The following SUGT1 variants were observed in gnomAD, a reference collection of about 807,000 sequenced individuals.
SUGT1 encodes the protein protein SGT1 homolog.
SUGT1 carries 15 observed loss-of-function variants against 56.1 expected under a neutral mutation model. The observed-to-expected ratio is 0.27, with a 90% confidence interval of 0.18 to 0.41. The LOEUF (loss-of-function observed/expected upper bound fraction) is 0.41, where lower values mean the gene tolerates loss of function less well. Ranked by LOEUF, SUGT1 falls within the 10% of genes least tolerant of loss-of-function variation. The probability of loss-of-function intolerance (pLI) is 1.00; values close to 1 mark genes in which losing one functional copy is unlikely to be tolerated. For missense variants in SUGT1, 347 were observed against 382.2 expected (o/e 0.91, Z 0.77); for synonymous variants, 123 against 128.6 (o/e 0.96, Z 0.30).
At chr13:52,678,356 T>G (rs924126473) in intron 11 of SUGT1, among the ~76,000 whole-genome samples, 4 of 152,296 alleles carry the variant, frequency 2.6e-5, no homozygotes, top group African/African-American at 9.6e-5. Context: ...AAAGTCGGTT[T>G]ACAAGTGAAG....
chr13:52,679,942 A>C, intron 11 of SUGT1, 32 bp from the exon 12 acceptor site: 1 of 1,558,324 alleles, frequency 6.4e-7, no homozygotes, highest in Non-Finnish European at 8.6e-7. Context: ...AAACATGTTG[A>C]TTAATTACTT....
Position 52,696,884 on chromosome 13 carries a change from A to G in SUGT1, c.*9049A>G, listed in dbSNP as rs188328487. On this transcript the variant is annotated 3_prime_UTR_variant, in exon 13 of 13. Coordinates refer to ENST00000310528, the MANE Select transcript of SUGT1 (RefSeq NM_006704.5). ...TGTTAGAGGTAGTAACAGTTATATA[A>G]CTAATCAAAACCAGTGTGATATCCA... 1 of 148,272 alleles carries G rather than the reference A, an allele frequency of 6.7e-6. No individual in the cohort carries two copies. Among genetic ancestry groups the G allele is most frequent in the Admixed American group, 6.7e-5 (1 of 14,922 alleles). 9.2% of individuals were successfully genotyped at this position (148,272 alleles called of 1,614,324 possible). A position where few individuals can be genotyped will look rare whatever the true frequency, so the allele number is the denominator to read the frequency against.
intron 10 of SUGT1, among the ~76,000 whole-genome samples, chr13:52,673,242 C>CT (rs199630700): frequency 0.27 from 5,161 of 19,092 alleles, 124 homozygotes; most frequent in South Asian, 0.39. Context: ...CCTTCTTTTA[C>CT]TTTTTTTTTT....
chr13:52,662,313 A>G (rs1032548411), intron 5 of SUGT1, among the ~76,000 whole-genome samples: 13 of 152,162 alleles, frequency 8.5e-5, no homozygotes, highest in African/African-American at 3.1e-4. Context: ...TGGGAGTCTG[A>G]TTTACATCTG....
rs865829740 is a variant in SUGT1, at chr13:52,692,613, G to C, written c.*4778G>C. On this transcript the variant is annotated 3_prime_UTR_variant, in exon 13 of 13. Transcript: ENST00000310528. ...TTTAGTAGAGACGAGGTTTCACCAT[G>C]TTGGTCAGGCTGGTCTTGAACTCCT... is the stretch of plus-strand genomic sequence containing the variant. 1 of 152,264 alleles carries C rather than the reference G, an allele frequency of 6.6e-6. No homozygotes were observed. Among genetic ancestry groups the C allele is most frequent in the African/African-American group, 2.4e-5 (1 of 41,434 alleles). 9.4% of individuals were successfully genotyped at this position (152,264 alleles called of 1,614,324 possible).
intron 10 of SUGT1, among the ~76,000 whole-genome samples, chr13:52,670,682 C>G (rs1255016704): frequency 1.3e-5 from 2 of 152,066 alleles, no homozygotes; most frequent in African/African-American, 4.8e-5. Context: ...GTGACGGGTG[C>G]CTGTAGTCCC....
chr13:52,661,544 T>C (rs1962453233), intron 5 of SUGT1: 2 of 393,338 alleles, frequency 5.1e-6, no homozygotes, highest in Admixed American at 3.2e-5. Flanking sequence ...CCACCTGCCT[T>C]GGACTCCCAA....
At chr13:52,667,445 A>G (rs1962755788) in intron 10 of SUGT1, among the ~76,000 whole-genome samples, 1 of 151,958 alleles carries the variant, frequency 6.6e-6, no homozygotes, top group Non-Finnish European at 1.5e-5. Context: ...CCTGGATCCA[A>G]GTGATTCTCC....
At chr13:52,653,181 T>TA in intron 2 of SUGT1, 78 bp downstream of exon 2, 2 of 1,555,952 alleles carry the variant, frequency 1.3e-6, no homozygotes, top group Non-Finnish European at 1.8e-6. Flanking sequence ...ACCCGCCTTC[T>TA]CCCCGCACCG....
chr13:52,697,601 G>A lies in SUGT1; in HGVS notation c.*9766G>A, dbSNP rs1329462679. 6.6e-6 allele frequency: 1 copy of A among 152,108 alleles called. No homozygotes were observed. Among genetic ancestry groups the A allele is most frequent in the Non-Finnish European group, 1.5e-5 (1 of 68,016 alleles). 9.4% of individuals were successfully genotyped at this position (152,108 alleles called of 1,614,324 possible). A position where few individuals can be genotyped will look rare whatever the true frequency, so the allele number is the denominator to read the frequency against. Reference sequence around the variant, plus strand: ...AGAAATTTTGAGATACTGAGTACTAGAAAACCCTCTTTGATGAGGGTTGTA... The same window carrying A: ...AGAAATTTTGAGATACTGAGTACTAAAAAACCCTCTTTGATGAGGGTTGTA... On this transcript the variant is annotated 3_prime_UTR_variant, in exon 13 of 13. Transcript: ENST00000310528.
In SUGT1 at chr13:52,699,471, G is replaced by C. The variant is rs1162141141; in HGVS notation, c.*11636G>C. On this transcript the variant is annotated 3_prime_UTR_variant, in exon 13 of 13. Coordinates refer to ENST00000310528, the MANE Select transcript of SUGT1 (RefSeq NM_006704.5). ...GTTTAATTACCCATAGGTGCTAAGT[G>C]AATGTTAAAAATTACGGTGCTGGTT... The C allele has an allele frequency of 6.6e-6, 1 of 152,182 alleles. No homozygotes were observed. The highest frequency in any genetic ancestry group is 1.5e-5 in the Non-Finnish European group (1 of 68,022). The allele number at this position is 152,182 out of a possible 1,614,324, so 9.4% of individuals were successfully genotyped here.
intron 2 of SUGT1, among the ~76,000 whole-genome samples, chr13:52,655,009 T>C (rs1212864109): frequency 6.6e-6 from 1 of 152,232 alleles, no homozygotes; most frequent in African/African-American, 2.4e-5. Context: ...TGGTTTTTAA[T>C]GTATGGCTCT....
At position 52,694,426 on chromosome 13, in the gene SUGT1, TAAAC is replaced by T. The variant is rs1963865614; in HGVS notation, c.*6593_*6596del. ...ATGAAAAGTTTTTAATAATTTTACT[TAAAC>T]AGAGCTTAATTATGTAAGTATTGTC... On this transcript the variant is annotated 3_prime_UTR_variant, in exon 13 of 13. Coordinates refer to ENST00000310528, the MANE Select transcript of SUGT1 (RefSeq NM_006704.5). 1.3e-5 allele frequency: 2 copies of T among 152,254 alleles called. No individual in the cohort carries two copies. The highest frequency in any genetic ancestry group is 6.5e-5 in the Admixed American group (1 of 15,284). The allele number at this position is 152,254 out of a possible 1,614,324, so 9.4% of individuals were successfully genotyped here.
At chr13:52,686,592 T>C (rs1382570341) in intron 12 of SUGT1, among the ~76,000 whole-genome samples, 1 of 152,164 alleles carries the variant, frequency 6.6e-6, no homozygotes, top group Non-Finnish European at 1.5e-5. Flanking sequence ...AAAAAGCCCA[T>C]GTAAGGGAGC....
intron 11 of SUGT1, among the ~76,000 whole-genome samples, chr13:52,678,038 TA>T (rs1365107882): frequency 6.6e-6 from 1 of 152,194 alleles, no homozygotes; most frequent in Admixed American, 6.5e-5. Context: ...AGACTGTAGA[TA>T]AGGGCAAGTC....
At chr13:52,663,585 C>T (rs530367943) in intron 7 of SUGT1, among the ~76,000 whole-genome samples, 54 of 152,302 alleles carry the variant, frequency 3.5e-4, no homozygotes, top group African/African-American at 1.3e-3. Context: ...CTTCCCACCT[C>T]AGCCTTCCAA....
At position 52,693,475 on chromosome 13, in the gene SUGT1, G is replaced by A. The variant is rs904862033; in HGVS notation, c.*5640G>A. ...CTTTTGTTAAGTACATGAAAAGACA[G>A]TATTGCATAGTGGTTAAATGCATGG... On this transcript the variant is annotated 3_prime_UTR_variant, in exon 13 of 13. Coordinates refer to ENST00000310528, the MANE Select transcript of SUGT1 (RefSeq NM_006704.5). 1.3e-5 allele frequency: 2 copies of A among 152,172 alleles called. No homozygotes were observed. The highest frequency in any genetic ancestry group is 6.5e-5 in the Admixed American group (1 of 15,276). 9.4% of individuals were successfully genotyped at this position (152,172 alleles called of 1,614,324 possible).
rs1963694518 is a variant in SUGT1 at position 52,689,057 on chromosome 13, C to T, written c.*1222C>T. ...TTTATGGCAAAGCACTACTCTATAC[C>T]CTCAGAGCAGGGGGAGTGGGAGGCA... On this transcript the variant is annotated 3_prime_UTR_variant, in exon 13 of 13. Coordinates refer to ENST00000310528, the MANE Select transcript of SUGT1 (RefSeq NM_006704.5). 1 of 152,094 alleles carries T rather than the reference C, an allele frequency of 6.6e-6. No homozygotes were observed. Among genetic ancestry groups the T allele is most frequent in the Non-Finnish European group, 1.5e-5 (1 of 68,052 alleles). 9.4% of individuals were successfully genotyped at this position (152,094 alleles called of 1,614,324 possible).
At chr13:52,656,788 T>C (rs1184120743) in intron 2 of SUGT1, among the ~76,000 whole-genome samples, 1 of 152,172 alleles carries the variant, frequency 6.6e-6, no homozygotes, top group Non-Finnish European at 1.5e-5. Flanking sequence ...AACTACCAAA[T>C]CCCTAGAGTT....
Sources: allele counts gnomAD v4.1 joint callset (sites outside exome capture counted in the v4.1 genomes callset), GRCh38; gene constraint gnomAD v4.1.1; transcripts MANE v1.5; gene names NCBI Gene and HGNC (gene_info 2026-07-23, HGNC 2026-07-21).